MYOM3: variants seen among roughly 807,000 people sequenced by gnomAD.
MYOM3 encodes the protein myomesin-3.
MYOM3 carries 155 observed loss-of-function variants against 191.7 expected under a neutral mutation model. That is an observed-to-expected ratio of 0.81 (90% CI 0.71 to 0.92). The LOEUF (loss-of-function observed/expected upper bound fraction) is 0.92. Among genes scored for constraint, MYOM3 ranks in the 40% least tolerant of loss-of-function variants. MYOM3 has a pLI of 0.00. For missense variants in MYOM3, 1,889 were observed against 1,890.6 expected, an observed-to-expected ratio of 1.00 and a Z score of 0.02; for synonymous variants, 757 against 762.9, an observed-to-expected ratio of 0.99 and a Z score of 0.13.
At chr1:24,102,393 T>C (rs1300396273) in intron 5 of MYOM3, among the ~76,000 whole-genome samples, 2 of 152,050 alleles carry the variant, frequency 1.3e-5, no homozygotes, top group African/African-American at 4.8e-5. Context: ...CAGCTCTGCT[T>C]TTCCTGGAAA....
intron 19 of MYOM3, among the ~76,000 whole-genome samples, chr1:24,081,038 C>A (rs1643661977): frequency 6.6e-6 from 1 of 152,180 alleles, no homozygotes; most frequent in East Asian, 1.9e-4. Flanking sequence ...ACCTTTGGGG[C>A]TGGAGATTGG....
intron 27 of MYOM3, 78 bp from the exon 28 acceptor site, chr1:24,067,166 G>A (rs12026723): frequency 0.4 from 561,448 of 1,420,520 alleles, 118,076 homozygotes; most frequent in East Asian, 0.45. Flanking sequence ...AGGCAGTGCT[G>A]GGGGGAGGGA....
In MYOM3 at chr1:24,082,130, G is replaced by C; in HGVS notation, c.2151C>G (p.Val717=). ...GACGCTTGGGGGGTTTCCACCCAAT[G>C]ACCATTTCATTCTTCCCGCAGTTCA... ...ALLNCGKNEM[V]IGWKPPKRRG... Residue 717 remains valine, a synonymous_variant, in exon 18 of 37, where the codon GTC becomes GTG. Transcript: ENST00000374434. The C allele has an allele frequency of 6.2e-7, 1 of 1,613,736 alleles. No individual in the cohort carries two copies. The highest frequency in any genetic ancestry group is 8.5e-7 in the Non-Finnish European group (1 of 1,179,916).
chr1:24,060,697 C>T (rs980411905), intron 35 of MYOM3, among the ~76,000 whole-genome samples: 3 of 152,130 alleles, frequency 2.0e-5, no homozygotes, highest in Non-Finnish European at 4.4e-5. Flanking sequence ...ATCCTGGATT[C>T]GATGAGGCTC....
At chr1:24,082,895 G>A in intron 16 of MYOM3, 181 bp from the exon 17 acceptor site, 1 of 640,890 alleles carries the variant, frequency 1.6e-6, no homozygotes, top group Non-Finnish European at 2.4e-6. Flanking sequence ...ACACCGTGGA[G>A]GGGGTAGACC....
intron 32 of MYOM3, among the ~76,000 whole-genome samples, chr1:24,062,418 C>G (rs1177453901): frequency 2.0e-5 from 3 of 152,166 alleles, no homozygotes; most frequent in South Asian, 2.1e-4. Context: ...GGGGGAGGAA[C>G]CTATTGTCCT....
At chr1:24,108,383 TG>T (rs1010631122) in intron 2 of MYOM3, 92 bp downstream of exon 2, 36 of 1,322,622 alleles carry the variant, frequency 2.7e-5, no homozygotes, top group Non-Finnish European at 3.4e-5. Context: ...CCCATCAGGT[TG>T]GAGCCTCCAG....
At chr1:24,106,187 C>T in intron 4 of MYOM3, 110 bp from the exon 5 acceptor site, 2 of 1,252,344 alleles carry the variant, frequency 1.6e-6, no homozygotes, top group Non-Finnish European at 2.2e-6. Flanking sequence ...CCCACATGGG[C>T]TGGAGTTCCC....
intron 25 of MYOM3, among the ~76,000 whole-genome samples, chr1:24,069,011 A>AGCAC (rs1643490667): frequency 1.3e-5 from 2 of 152,114 alleles, no homozygotes; most frequent in African/African-American, 4.8e-5. Flanking sequence ...GTCGTGAGCC[A>AGCAC]TTGTGCCCAG....
At chr1:24,110,341 T>TGTGTGTGTGGGCGTGC (rs1491219328) in intron 1 of MYOM3, among the ~76,000 whole-genome samples, 1 of 24,660 alleles carries the variant, frequency 4.1e-5, no homozygotes, top group African/African-American at 3.6e-4. Context: ...GGTGGCAGCG[T>TGTGTGTGTGGGCGTGC]GTGTGTGTGT....
chr1:24,103,077 C>T (rs969568750), intron 5 of MYOM3, among the ~76,000 whole-genome samples: 2 of 152,354 alleles, frequency 1.3e-5, no homozygotes, highest in Non-Finnish European at 2.9e-5. Flanking sequence ...TGCCACTTGT[C>T]AGGAATGCTC....
Position 24,080,026 on chromosome 1 carries a change from G to A in MYOM3, c.2576C>T (p.Thr859Ile), listed in dbSNP as rs749590845. 16 of 1,610,652 alleles carry A rather than the reference G, an allele frequency of 9.9e-6. 1 individual carries two copies. In the Middle Eastern group the frequency reaches 2.0e-3, roughly 200 times the overall value. The change falls in exon 20 of 37, where the codon ACC (threonine) becomes ATC (isoleucine). Residue 859 changes from threonine (T) to isoleucine (I), a missense_variant. Coordinates refer to ENST00000374434, the MANE Select transcript of MYOM3 (RefSeq NM_152372.4). ...GGCATAAGAACTTACCCTCAGGTGG[G>A]TGCCAGAGATGGGGCCTGGGGTGAC... ...KPVTPGPISG[T>I]HLRVSDLQPG...
chr1:24,063,196 C>G lies in MYOM3; in HGVS notation c.3700G>C (p.Glu1234Gln). The change falls in exon 32 of 37, where the codon GAA becomes CAA. Residue 1234 changes from glutamate (E) to glutamine (Q), a missense_variant. Glu to Gln is a conservative substitution (Grantham distance 29). Coordinates refer to ENST00000374434, the MANE Select transcript of MYOM3 (RefSeq NM_152372.4). This position sits in a 1 kb window ranked among gnomAD's most constrained non-coding sequence, Gnocchi z 4.5. ...ATPLKIQGTEEGIRIFSKVKY... is the reference protein window; with the variant it reads ...ATPLKIQGTEQGIRIFSKVKY... ...ACCTTGCTGAAGATCCGGATCCCTT[C>G]CTCGGTCCCCTGGATTTTCAGTGGA... 1.2e-6 allele frequency: 2 copies of G among 1,614,076 alleles called. No homozygotes were observed. The highest frequency in any genetic ancestry group is 8.5e-7 in the Non-Finnish European group (1 of 1,179,942).
chr1:24,081,269 T>A lies in MYOM3; in HGVS notation c.2407+61A>T, dbSNP rs1643664375. 4.4e-6 allele frequency: 7 copies of A among 1,596,438 alleles called. No individual in the cohort carries two copies. In the South Asian group the frequency reaches 6.7e-5, roughly 15 times the overall value. On this transcript the variant is annotated intron_variant, in intron 19 of 36. Transcript: ENST00000374434. The stretch of plus-strand genomic sequence containing the variant: ...AGGAGAGCGGCAACCTTCATCTCAT[T>A]GGGTAGGTTTGGGAAGGAGGGAAGG...
At chr1:24,069,558 T>C (rs543203714) in intron 25 of MYOM3, among the ~76,000 whole-genome samples, 1 of 152,188 alleles carries the variant, frequency 6.6e-6, no homozygotes, top group East Asian at 1.9e-4. Context: ...CATTGGACCT[T>C]TGATATATAT....
intron 20 of MYOM3, among the ~76,000 whole-genome samples, chr1:24,079,451 G>T (rs1430626852): frequency 6.6e-6 from 1 of 151,588 alleles, no homozygotes; most frequent in Admixed American, 6.6e-5. Flanking sequence ...CTCCCACCTC[G>T]GCCTCCTCAG....
In MYOM3 at chr1:24,075,480, G is replaced by C. The variant is rs1643585668; in HGVS notation, c.2702-5C>G. ...CAACCTCGATCTCATGGGCACCTGA[G>C]GGCGAGATCCAACAGAGGGCAGCGG... On this transcript the variant is annotated splice_region_variant and splice_polypyrimidine_tract_variant and intron_variant, in intron 21 of 36. Coordinates refer to ENST00000374434, the MANE Select transcript of MYOM3 (RefSeq NM_152372.4). 6.4e-7 allele frequency: 1 copy of C among 1,557,338 alleles called. No homozygotes were observed. Among genetic ancestry groups the C allele is most frequent in the African/African-American group, 1.4e-5 (1 of 72,346 alleles).
rs551114712 is a variant in MYOM3, at chr1:24,059,073, C to T, written c.3995-94G>A. On this transcript the variant is annotated intron_variant, in intron 35 of 36. Transcript: ENST00000374434. Reference sequence around the variant, plus strand: ...AGTTGAGGTTTATTTTTAAGCAAGGCTTCTTTTTTTTCCTTTTTCTATTTT... The same window carrying T: ...AGTTGAGGTTTATTTTTAAGCAAGGTTTCTTTTTTTTCCTTTTTCTATTTT... 2.7e-5 allele frequency: 22 copies of T among 807,656 alleles called. No homozygotes were observed. The East Asian group carries it at 5.5e-4, about 20-fold the overall frequency. 50.0% of individuals were successfully genotyped at this position (807,656 alleles called of 1,614,324 possible). A position where few individuals can be genotyped will look rare whatever the true frequency, so the allele number is the denominator to read the frequency against.
intron 5 of MYOM3, among the ~76,000 whole-genome samples, chr1:24,105,343 G>A (rs775878002): frequency 5.9e-5 from 9 of 152,218 alleles, no homozygotes; most frequent in South Asian, 2.1e-4. Flanking sequence ...CAGAAAGCGA[G>A]GCTGGGAACA....
Sources: gnomAD v4.1 joint callset for allele counts (sites outside exome capture counted in the v4.1 genomes callset) on GRCh38, gnomAD v4.1.1 for gene constraint, Gnocchi (gnomAD v3.1) non-coding constraint, MANE v1.5 for transcripts, NCBI Gene and HGNC (gene_info 2026-07-23, HGNC 2026-07-21) for gene names.